FER: variants seen among roughly 807,000 people sequenced by gnomAD.
FER encodes tyrosine-protein kinase Fer.
A neutral mutation model predicts 111.0 loss-of-function variants in FER; 63 were observed. The observed-to-expected ratio is 0.57, with a 90% confidence interval of 0.46 to 0.70. The LOEUF (loss-of-function observed/expected upper bound fraction) is 0.70. Ranked by LOEUF, FER falls within the 30% of genes least tolerant of loss-of-function variation. The probability of loss-of-function intolerance (pLI) is 0.00; values close to 1 mark genes in which losing one functional copy is unlikely to be tolerated. For missense variants in FER, 914 were observed against 954.0 expected (o/e 0.96, Z 0.55); for synonymous variants, 327 against 313.9 (o/e 1.04, Z -0.44).
rs185107516 is a variant in FER, at chr5:109,194,913, G to A, written c.*7338G>A. 1 of 152,210 alleles carries A rather than the reference G, an allele frequency of 6.6e-6. No individual in the cohort carries two copies. Among genetic ancestry groups the A allele is most frequent in the Non-Finnish European group, 1.5e-5 (1 of 68,088 alleles). The allele number at this position is 152,210 out of a possible 1,614,324, so 9.4% of individuals were successfully genotyped here. On this transcript the variant is annotated 3_prime_UTR_variant, in exon 20 of 20. Coordinates refer to ENST00000281092, the MANE Select transcript of FER (RefSeq NM_005246.4). ...CTAAATGCCCCCCATTTGGGGACGGGGGGAGGGGTTCAGACCTCTAACCTG... is the reference window on the plus strand; with the variant it reads ...CTAAATGCCCCCCATTTGGGGACGGAGGGAGGGGTTCAGACCTCTAACCTG...
At chr5:108,902,205 C>T (rs1267906639) in intron 10 of FER, among the ~76,000 whole-genome samples, 1 of 152,084 alleles carries the variant, frequency 6.6e-6, no homozygotes, top group Non-Finnish European at 1.5e-5. Flanking sequence ...TATAAGAATA[C>T]ACATCTTTAG....
intron 16 of FER, chr5:109,051,410 G>A: frequency 6.2e-7 from 1 of 1,612,398 alleles, no homozygotes; most frequent in Non-Finnish European, 8.5e-7. Flanking sequence ...TGTAGTTCAT[G>A]TCCAGCAGCT....
At chr5:109,169,263 A>G (rs1258373885) in intron 17 of FER, among the ~76,000 whole-genome samples, 6 of 152,222 alleles carry the variant, frequency 3.9e-5, no homozygotes, top group Non-Finnish European at 8.8e-5. Context: ...AATATAATGC[A>G]GAATTAAATT....
At chr5:108,841,669 G>T (rs1481385640) in intron 5 of FER, among the ~76,000 whole-genome samples, 1 of 152,164 alleles carries the variant, frequency 6.6e-6, no homozygotes, top group Non-Finnish European at 1.5e-5. Context: ...AACATGAATA[G>T]TGAAGGTTTG....
At chr5:108,879,693 T>TAAAAA (rs59305064) in intron 8 of FER, among the ~76,000 whole-genome samples, 11 of 116,688 alleles carry the variant, frequency 9.4e-5, no homozygotes, top group African/African-American at 2.7e-4. Context: ...TTTTTTAGAT[T>TAAAAA]AAAAAAAAAT....
chr5:109,187,080 TTC>T (rs1491307480), intron 19 of FER, among the ~76,000 whole-genome samples: 8 of 152,346 alleles, frequency 5.3e-5, no homozygotes, highest in Non-Finnish European at 1.2e-4. Context: ...AATCCTCATC[TTC>T]TCTTCATCTT....
intron 12 of FER, among the ~76,000 whole-genome samples, chr5:108,955,790 T>C (rs1427760334): frequency 1.3e-5 from 2 of 151,802 alleles, no homozygotes; most frequent in Non-Finnish European, 3.0e-5. Context: ...TTAGATGAAC[T>C]TGAGGGCTTA....
chr5:109,180,284 T>C (rs1407400671), intron 17 of FER, among the ~76,000 whole-genome samples: 1 of 152,208 alleles, frequency 6.6e-6, no homozygotes, highest in African/African-American at 2.4e-5. Context: ...ACTCAGTATC[T>C]ACTAGGCACA....
intron 3 of FER, among the ~76,000 whole-genome samples, chr5:108,816,216 T>C (rs1353500686): frequency 6.6e-6 from 1 of 152,176 alleles, no homozygotes; most frequent in East Asian, 1.9e-4. Flanking sequence ...GTCTGAAACC[T>C]GAAGAAGCAC....
chr5:108,828,463 T>C (rs1259800076), intron 3 of FER, among the ~76,000 whole-genome samples: 2 of 152,218 alleles, frequency 1.3e-5, no homozygotes, highest in Non-Finnish European at 2.9e-5. Flanking sequence ...TGGTATCCTG[T>C]GGAATTTTTG....
At chr5:108,779,646 T>G (rs945785095) in intron 2 of FER, among the ~76,000 whole-genome samples, 8 of 152,338 alleles carry the variant, frequency 5.3e-5, no homozygotes, top group African/African-American at 1.9e-4. Context: ...CCTTGAAGCC[T>G]GCCATTGCTG....
At chr5:108,927,253 T>TTTTTTTTTTTTTTTTTTTTTTTTG in intron 10 of FER, among the ~76,000 whole-genome samples, 1 of 59,586 alleles carries the variant, frequency 1.7e-5, no homozygotes, top group African/African-American at 1.9e-4. Context: ...GAAGTGGCTC[T>TTTTTTTTTTTTTTTTTTTTTTTTG]TTTTTTTTTT....
At chr5:108,896,967 A>G (rs545493317) in intron 9 of FER, among the ~76,000 whole-genome samples, 1 of 152,146 alleles carries the variant, frequency 6.6e-6, no homozygotes, top group Non-Finnish European at 1.5e-5. Flanking sequence ...ACGTGGCTTC[A>G]ATGTGGGTGA....
intron 18 of FER, 40 bp from the exon 19 acceptor site, chr5:109,186,160 A>C (rs754168909): frequency 1.2e-6 from 2 of 1,614,010 alleles, no homozygotes; most frequent in East Asian, 2.2e-5. Context: ...CTACTTGTCT[A>C]CTGTGCCTCA....
At chr5:108,891,858 C>T (rs1350311263) in intron 9 of FER, among the ~76,000 whole-genome samples, 17 of 151,992 alleles carry the variant, frequency 1.1e-4, no homozygotes, top group Non-Finnish European at 2.5e-4. Flanking sequence ...TGTTCCCCTT[C>T]CTGTGTCCAT....
At position 108,886,301 on chromosome 5, in the gene FER, A is replaced by T. The variant is rs111572330; in HGVS notation, c.1046+2783A>T. ...TATATTTATCAGGATATGAGAATGGATATAAGAGAGGAGCCTTGAAGGGTA... is the reference window on the plus strand; with the variant it reads ...TATATTTATCAGGATATGAGAATGGTTATAAGAGAGGAGCCTTGAAGGGTA... On this transcript the variant is annotated intron_variant, in intron 9 of 19. Coordinates refer to ENST00000281092, the MANE Select transcript of FER (RefSeq NM_005246.4). Among the ~76,000 whole-genome samples, 689 of 151,570 alleles carry T rather than the reference A, an allele frequency of 4.5e-3. 8 individuals are homozygous for T. Among genetic ancestry groups the T allele is most frequent in the African/African-American group, 0.016 (655 of 41,418 alleles).
intron 3 of FER, among the ~76,000 whole-genome samples, chr5:108,800,955 G>C (rs990984859): frequency 6.6e-6 from 1 of 152,142 alleles, no homozygotes; most frequent in African/African-American, 2.4e-5. Flanking sequence ...GCTGAGACAG[G>C]AGAATGGCGT....
chr5:108,842,902 A>G (rs1344572977), intron 5 of FER: 1 of 152,266 alleles, frequency 6.6e-6, no homozygotes, highest in African/African-American at 2.4e-5. Flanking sequence ...ACTACTGGGT[A>G]TCCACCCAGA....
rs1206527840 is a variant in FER, at chr5:108,887,570, T to TA, written c.1046+4059dup. ...TAAAACCAACCATTTGAAATTTTTA[T>TA]AAAAAAATTTTAATGTATTAAATAC... On this transcript the variant is annotated intron_variant, in intron 9 of 19. Coordinates refer to ENST00000281092, the MANE Select transcript of FER (RefSeq NM_005246.4). 8.3e-4 allele frequency among the ~76,000 whole-genome samples: 126 copies of TA among 151,832 alleles called. 2 individuals carry two copies. Among genetic ancestry groups the TA allele is most frequent in the Non-Finnish European group, 2.2e-4 (15 of 67,754 alleles).
Sources: gnomAD v4.1 joint callset for allele counts (sites outside exome capture counted in the v4.1 genomes callset) on GRCh38, gnomAD v4.1.1 for gene constraint, MANE v1.5 for transcripts, NCBI Gene and HGNC (gene_info 2026-07-23, HGNC 2026-07-21) for gene names.